Variants in EHBP1 observed in about 807,000 individuals in gnomAD.
The protein encoded by EHBP1 is EH domain-binding protein 1.
EHBP1 carries 55 observed loss-of-function variants against 144.0 expected under a neutral mutation model. The ratio of observed to expected loss-of-function variants is 0.38; its 90% CI spans 0.31 to 0.48. The LOEUF is 0.48. EHBP1 is among the 20% of genes least tolerant of loss of function. EHBP1 has a pLI of 0.98. For synonymous variants in EHBP1, 469 were observed against 472.7 expected, an observed-to-expected ratio of 0.99 and a Z score of 0.10; for missense variants, 1,200 against 1,364.2, an observed-to-expected ratio of 0.88 and a Z score of 1.90.
At chr2:62,794,916 A>G (rs2152466992) in intron 5 of EHBP1, among the ~76,000 whole-genome samples, 1 of 152,188 alleles carries the variant, frequency 6.6e-6, no homozygotes, top group Non-Finnish European at 1.5e-5. Context: ...TTAAATAAGT[A>G]ACACTTCATA....
At chr2:62,682,193 C>G (rs982244725) in intron 1 of EHBP1, among the ~76,000 whole-genome samples, 4 of 152,246 alleles carry the variant, frequency 2.6e-5, no homozygotes, top group African/African-American at 4.8e-5. Context: ...AACTCTATGA[C>G]AGCAGAGGAC....
chr2:62,905,702 T>C (rs1382224225), intron 10 of EHBP1, among the ~76,000 whole-genome samples: 1 of 151,772 alleles, frequency 6.6e-6, no homozygotes, highest in African/African-American at 2.4e-5. Flanking sequence ...CACACGCCTG[T>C]AATCCCAGCT....
intron 2 of EHBP1, among the ~76,000 whole-genome samples, chr2:62,716,074 C>T (rs1269971623): frequency 6.6e-6 from 1 of 152,156 alleles, no homozygotes; most frequent in Non-Finnish European, 1.5e-5. Context: ...ACCCTGAATT[C>T]ATCATAAATG....
At chr2:62,799,250 A>G (rs1372775941) in intron 5 of EHBP1, among the ~76,000 whole-genome samples, 1 of 152,210 alleles carries the variant, frequency 6.6e-6, no homozygotes, top group Non-Finnish European at 1.5e-5. Context: ...CATTATCTAT[A>G]TGAAATGTTA....
chr2:62,736,684 G>A (rs2038169403), intron 2 of EHBP1, among the ~76,000 whole-genome samples: 1 of 151,914 alleles, frequency 6.6e-6, no homozygotes, highest in Non-Finnish European at 1.5e-5. Flanking sequence ...GTTTTATTTT[G>A]GTTGGTTCTT....
intron 10 of EHBP1, among the ~76,000 whole-genome samples, chr2:62,908,626 G>T (rs1168177920): frequency 6.6e-6 from 1 of 152,012 alleles, no homozygotes; most frequent in Non-Finnish European, 1.5e-5. Flanking sequence ...TTTACATCCA[G>T]GTCAAAATAC....
Position 62,864,869 on chromosome 2 carries a change from A to G in EHBP1, c.896A>G (p.Asp299Gly). 6.2e-7 allele frequency: 1 copy of G among 1,614,094 alleles called. No individual in the cohort carries two copies. Among genetic ancestry groups the G allele is most frequent in the Non-Finnish European group, 8.5e-7 (1 of 1,179,992 alleles). The change falls in exon 9 of 23, where the codon GAT (aspartate) becomes GGT (glycine). Residue 299 changes from aspartate to glycine, a missense_variant. By Grantham distance (94) the Asp-to-Gly change is moderately conservative. This residue lies in a region of EHBP1 where 266 missense variants were observed against 262.4 expected (regional missense o/e 1.01). Transcript: ENST00000431489. The stretch of plus-strand genomic sequence containing the variant: ...CCAGAAGCATTTGTGACCATAAAGG[A>G]TTCTCCTCCCCAGTCTACAAAAAGA... ...DEPEAFVTIKDSPPQSTKRKN... is the reference protein window; with the variant it reads ...DEPEAFVTIKGSPPQSTKRKN...
intron 5 of EHBP1, among the ~76,000 whole-genome samples, chr2:62,820,559 T>C (rs1024535120): frequency 6.6e-6 from 1 of 151,752 alleles, no homozygotes; most frequent in East Asian, 1.9e-4. Flanking sequence ...GCTATTCTGC[T>C]TTCTATTTGC....
intron 15 of EHBP1, among the ~76,000 whole-genome samples, chr2:62,984,654 G>T (rs2059114616): frequency 6.6e-6 from 1 of 152,166 alleles, no homozygotes; most frequent in Admixed American, 6.6e-5. Flanking sequence ...GAAGTTGATT[G>T]TAAAACTGAA....
chr2:63,023,679 C>G (rs535821999), intron 19 of EHBP1, among the ~76,000 whole-genome samples: 10 of 152,270 alleles, frequency 6.6e-5, no homozygotes, highest in African/African-American at 1.9e-4. Flanking sequence ...GGAATTGTGT[C>G]AAGCACTAAC....
chr2:62,972,898 T>G (rs909321785), intron 14 of EHBP1, among the ~76,000 whole-genome samples: 1 of 152,186 alleles, frequency 6.6e-6, no homozygotes, highest in African/African-American at 2.4e-5. Context: ...ACAGCACACC[T>G]CTGGGCTAAT....
intron 9 of EHBP1, among the ~76,000 whole-genome samples, chr2:62,870,252 AGTT>A (rs2050355566): frequency 6.6e-6 from 1 of 152,162 alleles, no homozygotes; most frequent in African/African-American, 2.4e-5. Flanking sequence ...TTTGACTACT[AGTT>A]GTTGTATTTT....
At chr2:62,817,286 C>T (rs939073068) in intron 5 of EHBP1, among the ~76,000 whole-genome samples, 1 of 151,996 alleles carries the variant, frequency 6.6e-6, no homozygotes, top group Non-Finnish European at 1.5e-5. Context: ...GCAGAGAAGG[C>T]CTCTCTGGGA....
intron 12 of EHBP1, among the ~76,000 whole-genome samples, chr2:62,946,503 T>A (rs749410197): frequency 4.6e-5 from 7 of 152,230 alleles, no homozygotes; most frequent in Non-Finnish European, 7.3e-5. Context: ...AAATTACTTC[T>A]AGCTTCACAC....
intron 5 of EHBP1, among the ~76,000 whole-genome samples, chr2:62,808,445 A>G (rs1448735606): frequency 1.3e-5 from 2 of 151,716 alleles, no homozygotes; most frequent in East Asian, 1.9e-4. Flanking sequence ...TTTCTGTTAT[A>G]GTGTTTTTAT....
intron 10 of EHBP1, among the ~76,000 whole-genome samples, chr2:62,875,140 C>T (rs937536512): frequency 6.6e-6 from 1 of 152,248 alleles, no homozygotes; most frequent in East Asian, 1.9e-4. Flanking sequence ...TTGCCGCCAC[C>T]AGTGCAAGTG....
intron 2 of EHBP1, among the ~76,000 whole-genome samples, chr2:62,732,847 T>A (rs1453862310): frequency 6.6e-6 from 1 of 152,230 alleles, no homozygotes; most frequent in Non-Finnish European, 1.5e-5. Context: ...ATTCTTCTAT[T>A]TCCACTTCAG....
At chr2:62,999,448 C>G (rs2059765523) in intron 19 of EHBP1, among the ~76,000 whole-genome samples, 1 of 152,098 alleles carries the variant, frequency 6.6e-6, no homozygotes, top group Admixed American at 6.6e-5. Flanking sequence ...TTTCATCACC[C>G]TAAACATGAA....
chr2:62,997,428 ATGTGTGTGTGTG>A (rs70962800), intron 19 of EHBP1, among the ~76,000 whole-genome samples: 36 of 90,622 alleles, frequency 4.0e-4, no homozygotes, highest in Non-Finnish European at 6.8e-4. Context: ...AAAGGAACTC[ATGTGTGTGTGTG>A]TGTGTGTGTG....
Sources: gnomAD v4.1 joint callset for allele counts (sites outside exome capture counted in the v4.1 genomes callset) on GRCh38, gnomAD v4.1.1 for gene constraint, gnomAD v4.1.1 regional missense constraint, MANE v1.5 for transcripts, NCBI Gene and HGNC (gene_info 2026-07-23, HGNC 2026-07-21) for gene names.